The following ADPRHL1 variants were observed in gnomAD, a reference collection of about 807,000 sequenced individuals.
ADPRHL1 encodes inactive ADP-ribosyltransferase ARH2.
Under a neutral mutation model 44.1 loss-of-function variants are expected in ADPRHL1, and 43 were observed. The observed-to-expected ratio is 0.98, with a 90% CI of 0.76 to 1.26. ADPRHL1 has a LOEUF of 1.26. Ranked by LOEUF, ADPRHL1 falls within the 50% of genes most tolerant of loss-of-function variation. ADPRHL1 has a pLI of 0.00. For synonymous variants in ADPRHL1, 878 were observed against 1,017.4 expected (o/e 0.86, Z 2.61); for missense variants, 2,022 against 2,496.9 (o/e 0.81, Z 4.05).
intron 7 of ADPRHL1, among the ~76,000 whole-genome samples, chr13:113,412,809 A>G (rs9549773): frequency 0.29 from 11,324 of 39,064 alleles, 690 homozygotes; most frequent in African/African-American, 0.37. Flanking sequence ...CGCCAACAGC[A>G]CCCCGCAGAA....
chr13:113,436,829 G>C (rs1285380569), intron 2 of ADPRHL1, among the ~76,000 whole-genome samples: 1 of 77,540 alleles, frequency 1.3e-5, no homozygotes, highest in African/African-American at 5.3e-5. Flanking sequence ...CCGGCACCCA[G>C]GCGCAGGGTG....
At chr13:113,451,440 G>A (rs544371639) in intron 1 of ADPRHL1, among the ~76,000 whole-genome samples, 1 of 152,068 alleles carries the variant, frequency 6.6e-6, no homozygotes, top group South Asian at 2.1e-4. Flanking sequence ...CAAACTAGAC[G>A]CTGCAGCAGC....
Position 113,408,249 on chromosome 13 carries a change from TTCA to T in ADPRHL1, c.1062-32_1062-30del, listed in dbSNP as rs1336599091. ...CAGAGAAAAAGGAATCATCACCTAC[TTCA>T]TCATCATTTTTCTCCAAGATGACTC... On this transcript the variant is annotated intron_variant, in intron 7 of 7. Transcript: ENST00000612156. The T allele has an allele frequency of 1.8e-5, 22 of 1,231,662 alleles. No homozygotes were observed. In the African/African-American group the frequency reaches 2.2e-4, roughly 12 times the overall value. 76.3% of individuals were successfully genotyped at this position (1,231,662 alleles called of 1,614,324 possible).
intron 2 of ADPRHL1, among the ~76,000 whole-genome samples, chr13:113,440,464 T>C (rs2044089143): frequency 6.6e-6 from 1 of 152,024 alleles, no homozygotes. Flanking sequence ...CCATCTTTTT[T>C]TTTTTTTTTG....
At chr13:113,449,357 G>C (rs114450004) in intron 1 of ADPRHL1, 4,453 of 371,112 alleles carry the variant, frequency 0.012, 212 homozygotes, top group African/African-American at 0.094. Context: ...TGTTCAGAGA[G>C]ACACACCCGG....
chr13:113,428,555 G>C (rs1422405433), intron 4 of ADPRHL1, among the ~76,000 whole-genome samples: 2 of 152,236 alleles, frequency 1.3e-5, no homozygotes, highest in South Asian at 2.1e-4. Context: ...TGAGGGAAGG[G>C]CCCAGCCCTG....
At chr13:113,427,072 T>G (rs183681583) in intron 4 of ADPRHL1, among the ~76,000 whole-genome samples, 1 of 152,362 alleles carries the variant, frequency 6.6e-6, no homozygotes, top group Non-Finnish European at 1.5e-5. Context: ...GGATTGTTTC[T>G]CAGAGCTTTA....
In ADPRHL1 at chr13:113,441,493, C is replaced by T. The variant is rs1244139361; in HGVS notation, c.379+2932G>A. On this transcript the variant is annotated intron_variant, in intron 2 of 7. Transcript: ENST00000612156. The surrounding 1 kb of genome is among the most constrained non-coding windows in gnomAD (Gnocchi z 6.0). ...AGCTGTGGGATGACACTGTGGCATA[C>T]ACGGTGTGGGAACCTCACCGTCATC... Among the ~76,000 whole-genome samples the T allele has an allele frequency of 6.6e-6, 1 of 152,208 alleles. No individual in the cohort carries two copies. Among genetic ancestry groups the T allele is most frequent in the Admixed American group, 6.5e-5 (1 of 15,276 alleles).
intron 1 of ADPRHL1, among the ~76,000 whole-genome samples, chr13:113,447,449 TGTG>T (rs2044150068): frequency 8.6e-5 from 13 of 151,836 alleles, no homozygotes; most frequent in African/African-American, 2.7e-4. Flanking sequence ...CTCATGGTGG[TGTG>T]TGTGTATGGT....
At position 113,453,280 on chromosome 13, in the gene ADPRHL1, C is replaced by T. The variant is rs200853560; in HGVS notation, c.158G>A (p.Trp53Ter). ...LDHLVLSPGE[W>*]PVSDNTIMHI... The stretch of plus-strand genomic sequence containing the variant: ...CATGATGGTGTTGTCACTCACGGGC[C>T]ATTCTCCTGGCGAGAGTACGAGGTG... Residue 53 changes from tryptophan to a stop codon, truncating the protein, a stop_gained, in exon 1 of 8, where the codon TGG (tryptophan) becomes TAG (stop). Transcript: ENST00000612156. LOFTEE classifies it high-confidence loss of function. This position sits in a 1 kb window ranked among gnomAD's most constrained non-coding sequence, Gnocchi z 5.4. 486 of 1,614,178 alleles carry T rather than the reference C, an allele frequency of 3.0e-4. 3 individuals are homozygous for T. The South Asian group carries it at 4.0e-3, about 13-fold the overall frequency.
chr13:113,445,473 G>T (rs943577166), intron 1 of ADPRHL1, among the ~76,000 whole-genome samples: 1 of 152,246 alleles, frequency 6.6e-6, no homozygotes, highest in Non-Finnish European at 1.5e-5. Context: ...CGGCGAGGGC[G>T]CCCCTCCCAA....
In ADPRHL1 at chr13:113,405,637, A is replaced by G; in HGVS notation, c.3645T>C (p.Ala1215=). 2 of 1,232,790 alleles carry G rather than the reference A, an allele frequency of 1.6e-6. No individual in the cohort carries two copies. The highest frequency in any genetic ancestry group is 2.0e-6 in the Non-Finnish European group (2 of 988,886). 76.4% of individuals were successfully genotyped at this position (1,232,790 alleles called of 1,614,324 possible). The change falls in exon 8 of 8, where the codon GCT becomes GCC. Residue 1215 remains alanine, a synonymous_variant. Coordinates refer to ENST00000612156, the MANE Select transcript of ADPRHL1 (RefSeq NM_001394807.1). ...CCTCTGGGTGCCGGGCGAGGGCCGC[A>G]GCATCCTCCGGGTGGCGGGCGAGGG... ...IATLARHPED[A]AALARHPEAA... is the part of the protein sequence containing the mutation.
chr13:113,452,816 GAAC>G (rs1205613951), intron 1 of ADPRHL1, among the ~76,000 whole-genome samples: 1 of 152,154 alleles, frequency 6.6e-6, no homozygotes, highest in Non-Finnish European at 1.5e-5. Context: ...AATGAATTCA[GAAC>G]AAGAAGGCTT....
intron 2 of ADPRHL1, among the ~76,000 whole-genome samples, chr13:113,439,226 G>A (rs986734353): frequency 6.6e-6 from 1 of 151,646 alleles, no homozygotes; most frequent in African/African-American, 2.4e-5. Flanking sequence ...GGGTTCAAGT[G>A]ATTCTTGTGC....
At chr13:113,414,416 C>T (rs2043876822) in intron 7 of ADPRHL1, among the ~76,000 whole-genome samples, 1 of 148,312 alleles carries the variant, frequency 6.7e-6, no homozygotes. Flanking sequence ...TTGGCCCCCA[C>T]CCTCCCTCCC....
At chr13:113,437,143 G>A (rs1434222357) in intron 2 of ADPRHL1, among the ~76,000 whole-genome samples, 2 of 146,046 alleles carry the variant, frequency 1.4e-5, no homozygotes, top group Non-Finnish European at 3.0e-5. Flanking sequence ...GAACACAGGT[G>A]TACCCCGGGA....
chr13:113,410,884 G>A (rs1346198031), intron 7 of ADPRHL1, among the ~76,000 whole-genome samples: 2 of 152,220 alleles, frequency 1.3e-5, no homozygotes, highest in African/African-American at 2.4e-5. Flanking sequence ...CTCTGGACAC[G>A]TCCCCTCTGC....
chr13:113,443,849 C>A (rs977093126), intron 2 of ADPRHL1, among the ~76,000 whole-genome samples: 3 of 149,580 alleles, frequency 2.0e-5, no homozygotes, highest in African/African-American at 7.4e-5. Flanking sequence ...AGGCTGAGAC[C>A]GGAGAATTTC....
intron 2 of ADPRHL1, among the ~76,000 whole-genome samples, chr13:113,437,330 C>G (rs1413512822): frequency 6.6e-6 from 1 of 151,358 alleles, no homozygotes; most frequent in East Asian, 2.0e-4. Flanking sequence ...GACCCAGCAC[C>G]CAGGTGTAGA....
Sources: allele counts gnomAD v4.1 joint callset (sites outside exome capture counted in the v4.1 genomes callset), GRCh38; gene constraint gnomAD v4.1.1; non-coding constraint Gnocchi (gnomAD v3.1); transcripts MANE v1.5; gene names NCBI Gene and HGNC (gene_info 2026-07-23, HGNC 2026-07-21).